Variants in RARA observed in about 807,000 individuals in gnomAD.
RARA encodes retinoic acid receptor alpha.
A neutral mutation model predicts 42.8 loss-of-function variants in RARA; 5 were observed. The observed-to-expected ratio is 0.12, with a 90% CI of 0.06 to 0.25. The LOEUF is 0.25. Among genes scored for constraint, RARA ranks in the 10% least tolerant of loss-of-function variants. The pLI, the probability that RARA is intolerant of heterozygous loss-of-function variation, is 1.00. For missense variants in RARA, 402 were observed against 628.7 expected (o/e 0.64, Z 3.86); for synonymous variants, 256 against 259.5 (o/e 0.99, Z 0.13).
At chr17:40,334,039 C>G (rs1003783026) in intron 2 of RARA, among the ~76,000 whole-genome samples, 1 of 152,234 alleles carries the variant, frequency 6.6e-6, no homozygotes, top group African/African-American at 2.4e-5. Context: ...CCCAGACACT[C>G]TGTCCATCTG....
intron 1 of RARA, among the ~76,000 whole-genome samples, chr17:40,325,874 T>C (rs2033531285): frequency 6.6e-6 from 1 of 152,270 alleles, no homozygotes; most frequent in East Asian, 1.9e-4. Context: ...GGAAGAGAGG[T>C]TGGGGCCAGT....
chr17:40,341,078 G>A, intron 2 of RARA: 1 of 401,324 alleles, frequency 2.5e-6, no homozygotes, highest in East Asian at 3.6e-5. Flanking sequence ...GGGGTAATAG[G>A]ATACCCCCTC....
Position 40,351,670 on chromosome 17 carries a change from T to A in RARA, c.470-240T>A. The A allele has an allele frequency of 1.7e-6, 1 of 573,102 alleles. No homozygotes were observed. The allele number at this position is 573,102 out of a possible 1,614,324, so 35.5% of individuals were successfully genotyped here. On this transcript the variant is annotated intron_variant, in intron 4 of 8. Coordinates refer to ENST00000254066, the MANE Select transcript of RARA (RefSeq NM_000964.4). The surrounding 1 kb of genome is among the most constrained non-coding windows in gnomAD (Gnocchi z 4.1). ...TGGCTATGGGGTGGGGTGGGGGGTG[T>A]GTGCAGGGCCACAGCTGTGCTCATG... is the stretch of plus-strand genomic sequence containing the variant.
At chr17:40,349,722 G>A (rs2034381116) in intron 3 of RARA, 62 bp from the exon 4 acceptor site, 21 of 1,596,496 alleles carry the variant, frequency 1.3e-5, no homozygotes, top group African/African-American at 2.7e-5. Flanking sequence ...GACTGAGACC[G>A]TAGCCAGGCA....
At position 40,341,071 on chromosome 17, in the gene RARA, G is replaced by T. The variant is rs577754191; in HGVS notation, c.179-7245G>T. On this transcript the variant is annotated intron_variant, in intron 2 of 8. Transcript: ENST00000254066. ...CCATCCTTCCTTTTAGAGAGTGGGG[G>T]TAATAGGATACCCCCTCCTCCAGGG... The T allele has an allele frequency of 3.0e-5, 12 of 401,110 alleles. No homozygotes were observed. In the Admixed American group the frequency reaches 3.1e-4, roughly 10 times the overall value. The allele number at this position is 401,110 out of a possible 1,614,324, so 24.8% of individuals were successfully genotyped here. A position where few individuals can be genotyped will look rare whatever the true frequency, so the allele number is the denominator to read the frequency against.
chr17:40,341,744 C>A (rs564052972), intron 2 of RARA: 45 of 1,294,764 alleles, frequency 3.5e-5, no homozygotes, highest in Middle Eastern at 2.9e-4. Context: ...GGGACCACCC[C>A]CCTCTTCCCC....
At chr17:40,342,836 C>G (rs185276091) in intron 2 of RARA, 1 of 1,613,040 alleles carries the variant, frequency 6.2e-7, no homozygotes, top group Admixed American at 1.7e-5. Flanking sequence ...CCACCCCGCT[C>G]CGGACTCCGC....
chr17:40,355,189 C>A lies in RARA; in HGVS notation c.1013-74C>A. 1 of 1,489,270 alleles carries A rather than the reference C, an allele frequency of 6.7e-7. No homozygotes were observed. 92.3% of individuals were successfully genotyped at this position (1,489,270 alleles called of 1,614,324 possible). ...TGCCCTCCTCCATGGCCTGGGCAGG[C>A]ACGCCCCCCGGTGGCCGAGGCTGGG... is the stretch of plus-strand genomic sequence containing the variant. On this transcript the variant is annotated intron_variant, in intron 7 of 8. Transcript: ENST00000254066. This position sits in a 1 kb window ranked among gnomAD's most constrained non-coding sequence, Gnocchi z 4.1.
intron 1 of RARA, among the ~76,000 whole-genome samples, chr17:40,315,169 T>TAC (rs1416920772): frequency 5.6e-4 from 60 of 107,374 alleles, no homozygotes; most frequent in African/African-American, 1.3e-3. Flanking sequence ...TATATATATA[T>TAC]ATACACACAC....
At chr17:40,315,169 T>TATATAC (rs2033182818) in intron 1 of RARA, among the ~76,000 whole-genome samples, 1 of 107,392 alleles carries the variant, frequency 9.3e-6, no homozygotes, top group South Asian at 2.9e-4. Flanking sequence ...TATATATATA[T>TATATAC]ATACACACAC....
intron 1 of RARA, among the ~76,000 whole-genome samples, chr17:40,319,570 C>A (rs1372151828): frequency 6.6e-6 from 1 of 151,324 alleles, no homozygotes; most frequent in African/African-American, 2.4e-5. Context: ...CACTTCTGCC[C>A]CTGACACTCC....
chr17:40,354,509 G>A lies in RARA; in HGVS notation c.1012+3G>A, dbSNP rs201679462. 2.4e-4 allele frequency: 380 copies of A among 1,613,162 alleles called. No individual in the cohort carries two copies. The highest frequency in any genetic ancestry group is 2.9e-4 in the Non-Finnish European group (344 of 1,179,902). On this transcript the variant is annotated splice_donor_region_variant and intron_variant, in intron 7 of 8. Coordinates refer to ENST00000254066, the MANE Select transcript of RARA (RefSeq NM_000964.4). The surrounding 1 kb of genome is among the most constrained non-coding windows in gnomAD (Gnocchi z 4.5). ...CGCCATCTGCCTCATCTGCGGAGGT[G>A]GGCAGGGGGCCTGGGTCTGGGGGCT...
Position 40,352,333 on chromosome 17 carries a change from C to A in RARA, c.633C>A (p.Asn211Lys). The change falls in exon 6 of 9, where the codon AAC (asparagine) becomes AAA (lysine). Residue 211 changes from asparagine (N) to lysine (K), a missense_variant and splice_region_variant. Physicochemically the swap from Asn to Lys is moderately conservative, Grantham distance 94. This residue lies in a region of RARA where 130 missense variants were observed against 267.9 expected (regional missense o/e 0.49). Coordinates refer to ENST00000254066, the MANE Select transcript of RARA (RefSeq NM_000964.4). The surrounding 1 kb of genome is among the most constrained non-coding windows in gnomAD (Gnocchi z 4.9). ...CCTCACTCTCCCTCCTCCCCCAGAA[C>A]AACAGCTCAGAACAACGTGTCTCTC... ...ALCQLGKYTTNNSSEQRVSLD... is the reference protein window; with the variant it reads ...ALCQLGKYTTKNSSEQRVSLD... 3.1e-6 allele frequency: 5 copies of A among 1,599,890 alleles called. No individual in the cohort carries two copies. Among genetic ancestry groups the A allele is most frequent in the Non-Finnish European group, 4.3e-6 (5 of 1,171,360 alleles).
At chr17:40,314,368 G>T (rs982756622) in intron 1 of RARA, among the ~76,000 whole-genome samples, 10 of 152,064 alleles carry the variant, frequency 6.6e-5, no homozygotes, top group Admixed American at 3.9e-4. Context: ...AGGGGAGAGG[G>T]TGAGAGGGGC....
rs751952008 is a variant in RARA, at chr17:40,350,123, G to C, written c.469+198G>C. 103 of 756,184 alleles carry C rather than the reference G, an allele frequency of 1.4e-4. 1 individual carries two copies. Among genetic ancestry groups the C allele is most frequent in the Non-Finnish European group, 2.0e-4 (95 of 483,212 alleles). The allele number at this position is 756,184 out of a possible 1,614,324, so 46.8% of individuals were successfully genotyped here. On this transcript the variant is annotated intron_variant, in intron 4 of 8. Coordinates refer to ENST00000254066, the MANE Select transcript of RARA (RefSeq NM_000964.4). ...CGAGTCTGGCTGGCTGTGTGTCCACGGGCAGGTCTGTGCTCCGGGACCGTG... is the reference window on the plus strand; with the variant it reads ...CGAGTCTGGCTGGCTGTGTGTCCACCGGCAGGTCTGTGCTCCGGGACCGTG...
intron 2 of RARA, chr17:40,342,933 A>G (rs1461570281): frequency 3.2e-6 from 5 of 1,541,442 alleles, no homozygotes; most frequent in Non-Finnish European, 4.4e-6. Flanking sequence ...TTCCACTACT[A>G]CTCGGGGGTG....
rs555859625 is a variant in RARA at position 40,333,793 on chromosome 17, C to T, written c.178+2397C>T. 2.0e-5 allele frequency among the ~76,000 whole-genome samples: 3 copies of T among 152,278 alleles called. No individual in the cohort carries two copies. The South Asian group carries it at 6.2e-4, about 32-fold the overall frequency. ...CTGGGACTACAGGTGCGTGCCACCA[C>T]ACCAGGCTGATTTTTTGATTTTTCA... is the stretch of plus-strand genomic sequence containing the variant. On this transcript the variant is annotated intron_variant, in intron 2 of 8. Transcript: ENST00000254066.
intron 2 of RARA, among the ~76,000 whole-genome samples, chr17:40,347,625 A>G (rs1217720508): frequency 6.6e-6 from 1 of 152,184 alleles, no homozygotes; most frequent in Non-Finnish European, 1.5e-5. Context: ...CTCTCCCCAG[A>G]TGGGGGGTAC....
chr17:40,321,425 A>AGAGGAG (rs763508454), intron 1 of RARA, among the ~76,000 whole-genome samples: 2 of 151,256 alleles, frequency 1.3e-5, no homozygotes, highest in South Asian at 4.2e-4. Flanking sequence ...TGGAATTTGG[A>AGAGGAG]GAGGAGGAGG....
Sources: gnomAD v4.1 joint callset for allele counts (sites outside exome capture counted in the v4.1 genomes callset) on GRCh38, gnomAD v4.1.1 for gene constraint, gnomAD v4.1.1 regional missense constraint, Gnocchi (gnomAD v3.1) non-coding constraint, MANE v1.5 for transcripts, NCBI Gene and HGNC (gene_info 2026-07-23, HGNC 2026-07-21) for gene names.